SPTA1: variants seen among roughly 807,000 people sequenced by gnomAD.
SPTA1 encodes the protein spectrin alpha, erythrocytic 1.
A neutral mutation model predicts 324.7 loss-of-function variants in SPTA1; 177 were observed. The ratio of observed to expected loss-of-function variants is 0.55; its 90% CI spans 0.48 to 0.62. SPTA1 has a LOEUF of 0.62. Ranked by LOEUF, SPTA1 falls within the 20% of genes least tolerant of loss-of-function variation. SPTA1 has a pLI of 0.00. For missense variants in SPTA1, 3,162 were observed against 2,883.6 expected (o/e 1.10, Z -2.21); for synonymous variants, 1,195 against 1,041.3 (o/e 1.15, Z -2.84).
At position 158,648,659 on chromosome 1, in the gene SPTA1, A is replaced by G. The variant is rs1235004388; in HGVS notation, c.3570-6T>C. ...CCTTCGTGTCATCTGCTTCTCTGGT[A>G]TACAAGAGAGTAGAGAGTTCAAAAG... On this transcript the variant is annotated splice_region_variant and splice_polypyrimidine_tract_variant and intron_variant, in intron 25 of 51. Coordinates refer to ENST00000643759, the MANE Select transcript of SPTA1 (RefSeq NM_003126.4). 3 of 1,613,396 alleles carry G rather than the reference A, an allele frequency of 1.9e-6. No homozygotes were observed. Among genetic ancestry groups the G allele is most frequent in the African/African-American group, 1.3e-5 (1 of 74,856 alleles).
In SPTA1 at chr1:158,648,543, C is replaced by A; in HGVS notation, c.3680G>T (p.Gly1227Val). Residue 1227 changes from glycine to valine, a missense_variant, in exon 26 of 52, where the codon GGC becomes GTC. Transcript: ENST00000643759. ...CAGGGGTACGAGGTCCCTTTCAAAGCCCTCATGCCGTCGCTGAAGAGCCTG... is the reference window on the plus strand; with the variant it reads ...CAGGGGTACGAGGTCCCTTTCAAAGACCTCATGCCGTCGCTGAAGAGCCTG... ...SVQALQRRHE[G>V]FERDLVPLGD... 1 of 1,614,008 alleles carries A rather than the reference C, an allele frequency of 6.2e-7. No homozygotes were observed. Among genetic ancestry groups the A allele is most frequent in the South Asian group, 1.1e-5 (1 of 91,070 alleles).
chr1:158,680,357 C>T (rs539786945), intron 5 of SPTA1, among the ~76,000 whole-genome samples: 50 of 152,118 alleles, frequency 3.3e-4, no homozygotes, highest in African/African-American at 1.1e-3. Flanking sequence ...TCCAAACACA[C>T]AAAAACACAC....
At chr1:158,619,432 T>A in intron 44 of SPTA1, 98 bp from the exon 45 acceptor site, 1 of 1,194,618 alleles carries the variant, frequency 8.4e-7, no homozygotes, top group African/African-American at 1.5e-5. Flanking sequence ...CTTTCCTCTC[T>A]CAAGTCTAAC....
rs755281670 is a variant in SPTA1 at position 158,642,934 on chromosome 1, C to A, written c.4485G>T (p.Lys1495Asn). ...GTTTTAGGTTGGCATAGTCTCCAAG[C>A]TTTGTCCGCTCATCAATCAGTTGTG... ...LKAQLIDERTKLGDYANLKQF... is the reference protein window; with the variant it reads ...LKAQLIDERTNLGDYANLKQF... Residue 1495 changes from lysine (K) to asparagine (N), a missense_variant, in exon 32 of 52, where the codon AAG (lysine) becomes AAT (asparagine). By Grantham distance (94) the Lys-to-Asn change is moderately conservative. Coordinates refer to ENST00000643759, the MANE Select transcript of SPTA1 (RefSeq NM_003126.4). The A allele has an allele frequency of 6.2e-7, 1 of 1,613,764 alleles. No individual in the cohort carries two copies. The highest frequency in any genetic ancestry group is 1.1e-5 in the South Asian group (1 of 91,070).
chr1:158,645,126 A>C (rs1354029086), intron 29 of SPTA1, 62 bp downstream of exon 29: 35 of 1,573,318 alleles, frequency 2.2e-5, no homozygotes, highest in Non-Finnish European at 3.1e-5. Flanking sequence ...TAATGACCAT[A>C]TGAAATTGCA....
chr1:158,646,320 GA>G (rs1651995785), intron 27 of SPTA1, among the ~76,000 whole-genome samples: 1 of 152,186 alleles, frequency 6.6e-6, no homozygotes, highest in South Asian at 2.1e-4. Flanking sequence ...TGCTCAACAG[GA>G]ACCCTTAGCT....
intron 2 of SPTA1, among the ~76,000 whole-genome samples, chr1:158,684,097 A>G (rs1655006115): frequency 6.6e-6 from 1 of 150,482 alleles, no homozygotes; most frequent in South Asian, 2.1e-4. Flanking sequence ...TTAGGGAAGA[A>G]AAAAAAAAAA....
rs369900804 is a variant in SPTA1 at position 158,639,634 on chromosome 1, C to T, written c.4928G>A (p.Gly1643Glu). Reference protein sequence around the residue: ...KDQARDLASAGNLLKKHQLLE... With the variant: ...KDQARDLASAENLLKKHQLLE... ...TAGCTGATGCTTCTTGAGTAGGTTT[C>T]CTGCTGAAGCCAAGTCCCTGGCCTG... The change falls in exon 35 of 52, where the codon GGA becomes GAA. Residue 1643 changes from glycine (G) to glutamate (E), a missense_variant. Transcript: ENST00000643759. 2 of 1,613,758 alleles carry T rather than the reference C, an allele frequency of 1.2e-6. No individual in the cohort carries two copies. The highest frequency in any genetic ancestry group is 1.7e-6 in the Non-Finnish European group (2 of 1,179,896).
rs375230030 is a variant in SPTA1, at chr1:158,666,362, C to A, written c.2174G>T (p.Arg725Leu). The change falls in exon 16 of 52, where the codon CGA (arginine) becomes CTA (leucine). Residue 725 changes from arginine (R) to leucine (L), a missense_variant. Arg to Leu is a moderately radical substitution (Grantham distance 102). Coordinates refer to ENST00000643759, the MANE Select transcript of SPTA1 (RefSeq NM_003126.4). ...CTCCAGGAGGCCGTGTTTCCTGAGT[C>A]GATTCTGTACCTCGGCCAGGCCTTT... ...YGKGLAEVQN[R>L]LRKHGLLESA... 5.0e-6 allele frequency: 8 copies of A among 1,613,758 alleles called. No homozygotes were observed. Among genetic ancestry groups the A allele is most frequent in the African/African-American group, 1.3e-5 (1 of 74,862 alleles).
At chr1:158,660,105 A>T (rs1231577395) in intron 18 of SPTA1, among the ~76,000 whole-genome samples, 1 of 152,204 alleles carries the variant, frequency 6.6e-6, no homozygotes, top group Non-Finnish European at 1.5e-5. Flanking sequence ...TACAAAATTG[A>T]TCTAAAGGAG....
At chr1:158,667,648 C>G (rs1653706831) in intron 15 of SPTA1, among the ~76,000 whole-genome samples, 1 of 152,046 alleles carries the variant, frequency 6.6e-6, no homozygotes, top group Admixed American at 6.6e-5. Flanking sequence ...ACCTTACACC[C>G]TTGAAGGAAA....
At position 158,659,595 on chromosome 1, in the gene SPTA1, A is replaced by ATTATTTTTTTTTTTTTTTTTTTTTTTT. The variant is rs1345384278; in HGVS notation, c.2587+1691_2587+1692insAAAAAAAAAAAAAAAAAAAAAAAATAA. On this transcript the variant is annotated intron_variant, in intron 18 of 51. Coordinates refer to ENST00000643759, the MANE Select transcript of SPTA1 (RefSeq NM_003126.4). ...AAAAGAAAATAATAGTCTTAGCATT[A>ATTATTTTTTTTTTTTTTTTTTTTTTTT]TTTTTTTTTTTTTTTTTTTTTTTTT... Among the ~76,000 whole-genome samples, 17 of 68,714 alleles carry ATTATTTTTTTTTTTTTTTTTTTTTTTT rather than the reference A, an allele frequency of 2.5e-4. 2 individuals carry two copies. Among genetic ancestry groups the ATTATTTTTTTTTTTTTTTTTTTTTTTT allele is most frequent in the Non-Finnish European group, 5.7e-4 (17 of 30,036 alleles). 45.1% of individuals were successfully genotyped at this position (68,714 alleles called of 152,430 possible). A position where few individuals can be genotyped will look rare whatever the true frequency, so the allele number is the denominator to read the frequency against.
intron 43 of SPTA1, among the ~76,000 whole-genome samples, chr1:158,621,325 CA>C (rs1649899743): frequency 6.6e-6 from 1 of 152,044 alleles, no homozygotes; most frequent in Non-Finnish European, 1.5e-5. Flanking sequence ...TTCCCAAATA[CA>C]AGAATTAAAA....
At chr1:158,627,811 C>A in intron 39 of SPTA1, 88 bp from the exon 40 acceptor site, 1 of 1,307,980 alleles carries the variant, frequency 7.6e-7, no homozygotes, top group Admixed American at 1.7e-5. Flanking sequence ...CTATTATTCC[C>A]TAGGGTTGAT....
At chr1:158,681,485 G>A (rs1654803877) in intron 4 of SPTA1, 42 bp downstream of exon 4, 1 of 1,613,120 alleles carries the variant, frequency 6.2e-7, no homozygotes, top group African/African-American at 1.3e-5. Flanking sequence ...CTGGGACAGA[G>A]GAGTGGGAGG....
intron 51 of SPTA1, chr1:158,612,293 C>T (rs1649301851): frequency 5.5e-6 from 1 of 183,354 alleles, no homozygotes. Flanking sequence ...ATAGATGATA[C>T]TTTCCCTGAT....
At chr1:158,614,611 C>T (rs1649448508) in intron 48 of SPTA1, 1 of 306,290 alleles carries the variant, frequency 3.3e-6, no homozygotes, top group South Asian at 5.3e-5. Context: ...TTTATTGGAA[C>T]ATGGCCACGG....
chr1:158,645,171 T>C lies in SPTA1; in HGVS notation c.4194+17A>G. ...CAGACTACTGAACCTGCTTAACAAT[T>C]GGGAAATTTGCTGTACCTGCAACTC... On this transcript the variant is annotated intron_variant, in intron 29 of 51. Transcript: ENST00000643759. The C allele has an allele frequency of 6.2e-7, 1 of 1,613,662 alleles. No homozygotes were observed. The highest frequency in any genetic ancestry group is 8.5e-7 in the Non-Finnish European group (1 of 1,179,688).
At position 158,645,373 on chromosome 1, in the gene SPTA1, C is replaced by A. The variant is rs779285185; in HGVS notation, c.4009G>T (p.Asp1337Tyr). The change falls in exon 29 of 52, where the codon GAC (aspartate) becomes TAC (tyrosine). Residue 1337 changes from aspartate (D) to tyrosine (Y), a missense_variant. Asp to Tyr is a radical substitution (Grantham distance 160). Transcript: ENST00000643759. ...LLERHQEHRA[D>Y]MEAEAPTFQA... Reference sequence around the variant, plus strand: ...AAGGTGGGAGCCTCTGCCTCCATGTCAGCACGGTGCTCCTGTGGGAAAAAG... The same window carrying A: ...AAGGTGGGAGCCTCTGCCTCCATGTAAGCACGGTGCTCCTGTGGGAAAAAG... 7.4e-6 allele frequency: 12 copies of A among 1,613,868 alleles called. No homozygotes were observed. The highest frequency in any genetic ancestry group is 2.7e-5 in the African/African-American group (2 of 74,904).
Sources: gnomAD v4.1 joint callset for allele counts (sites outside exome capture counted in the v4.1 genomes callset) on GRCh38, gnomAD v4.1.1 for gene constraint, MANE v1.5 for transcripts, NCBI Gene and HGNC (gene_info 2026-07-23, HGNC 2026-07-21) for gene names.